The following SMC2 variants were observed in gnomAD, a reference collection of about 807,000 sequenced individuals.
SMC2 encodes structural maintenance of chromosomes 2, also known as structural maintenance of chromosomes protein 2.
Under a neutral mutation model 142.6 loss-of-function variants are expected in SMC2, and 41 were observed. The ratio of observed to expected loss-of-function variants is 0.29; its 90% CI spans 0.22 to 0.37. The LOEUF (loss-of-function observed/expected upper bound fraction) is 0.37, where lower values mean the gene tolerates loss of function less well. SMC2 is among the 10% of genes least tolerant of loss of function. The pLI is 1.00. For missense variants in SMC2, 1,265 were observed against 1,373.7 expected (o/e 0.92, Z 1.25); for synonymous variants, 463 against 457.5 (o/e 1.01, Z -0.15).
rs777069054 is a variant in SMC2 at position 104,113,545 on chromosome 9, T to C, written c.1414+70T>C. On this transcript the variant is annotated intron_variant, in intron 11 of 24. Transcript: ENST00000374793. Reference sequence around the variant, plus strand: ...ATTTTTGATAAAAAGCTAATTTAAATAAAGAACGCAAGCAAGTAGGAAACA... The same window carrying C: ...ATTTTTGATAAAAAGCTAATTTAAACAAAGAACGCAAGCAAGTAGGAAACA... 1.1e-5 allele frequency: 14 copies of C among 1,266,930 alleles called. 1 individual carries two copies. Among genetic ancestry groups the C allele is most frequent in the Middle Eastern group, 2.8e-4 (1 of 3,598 alleles). 78.5% of individuals were successfully genotyped at this position (1,266,930 alleles called of 1,614,324 possible).
chr9:104,099,628 G>A lies in SMC2; in HGVS notation c.442-16G>A. On this transcript the variant is annotated splice_polypyrimidine_tract_variant and intron_variant, in intron 4 of 24. Coordinates refer to ENST00000374793, the MANE Select transcript of SMC2 (RefSeq NM_006444.3). ...TGTAATTTGTTATCTTAGTAAGTTTGCTATTTTATTTTCAGGGCCGAATTA... is the reference window on the plus strand; with the variant it reads ...TGTAATTTGTTATCTTAGTAAGTTTACTATTTTATTTTCAGGGCCGAATTA... The A allele has an allele frequency of 1.3e-6, 2 of 1,520,854 alleles. No homozygotes were observed. Among genetic ancestry groups the A allele is most frequent in the Non-Finnish European group, 1.8e-6 (2 of 1,096,286 alleles). The allele number at this position is 1,520,854 out of a possible 1,614,324, so 94.2% of individuals were successfully genotyped here. A position where few individuals can be genotyped will look rare whatever the true frequency, so the allele number is the denominator to read the frequency against.
At chr9:104,103,482 A>G (rs932955734) in intron 9 of SMC2, among the ~76,000 whole-genome samples, 1 of 152,230 alleles carries the variant, frequency 6.6e-6, no homozygotes, top group Non-Finnish European at 1.5e-5. Flanking sequence ...AAAAGTCGTC[A>G]TTTGTGATTC....
chr9:104,123,352 A>G, intron 17 of SMC2, 120 bp downstream of exon 17: 1 of 959,384 alleles, frequency 1.0e-6, no homozygotes, highest in Non-Finnish European at 1.5e-6. Flanking sequence ...ATTTAGGGAA[A>G]ATCCAAGTAT....
chr9:104,140,946 T>A lies in SMC2; in HGVS notation c.*1631T>A, dbSNP rs1588021936. 1 of 152,200 alleles carries A rather than the reference T, an allele frequency of 6.6e-6. No individual in the cohort carries two copies. Among genetic ancestry groups the A allele is most frequent in the Non-Finnish European group, 1.5e-5 (1 of 68,024 alleles). 9.4% of individuals were successfully genotyped at this position (152,200 alleles called of 1,614,324 possible). ...TTGACTATTTTGGCTTACGTACTCA[T>A]TTCCTTTTCTCTGCTAAAAATGTTT... On this transcript the variant is annotated 3_prime_UTR_variant, in exon 25 of 25. Transcript: ENST00000374793.
intron 17 of SMC2, among the ~76,000 whole-genome samples, chr9:104,123,772 A>C (rs1833982536): frequency 6.6e-6 from 1 of 151,958 alleles, no homozygotes; most frequent in Admixed American, 6.5e-5. Context: ...CTGGTCTTTT[A>C]ATTTTGTGTT....
intron 9 of SMC2, among the ~76,000 whole-genome samples, chr9:104,108,541 A>G (rs1352319010): frequency 1.3e-5 from 2 of 152,110 alleles, no homozygotes; most frequent in Non-Finnish European, 2.9e-5. Flanking sequence ...GATCCATCTG[A>G]CTACCCACTT....
intron 15 of SMC2, 119 bp downstream of exon 15, chr9:104,118,494 G>T (rs1833378779): frequency 1.2e-6 from 1 of 837,356 alleles, no homozygotes; most frequent in Non-Finnish European, 1.8e-6. Flanking sequence ...CTTCTCATTT[G>T]TGTGTTTGCC....
At chr9:104,108,961 C>T (rs1832120272) in intron 9 of SMC2, among the ~76,000 whole-genome samples, 1 of 152,102 alleles carries the variant, frequency 6.6e-6, no homozygotes, top group Admixed American at 6.6e-5. Context: ...AAAGGACATG[C>T]ATATTTCTAG....
intron 5 of SMC2, 131 bp from the exon 6 acceptor site, chr9:104,099,962 C>T (rs41282195): frequency 0.023 from 15,075 of 651,482 alleles, 911 homozygotes; most frequent in African/African-American, 0.18. Flanking sequence ...TATATTTAAC[C>T]TATATGGTTC....
At chr9:104,138,953 G>A (rs76726700) in intron 24 of SMC2, among the ~76,000 whole-genome samples, 186 bp from the exon 25 acceptor site, 8,573 of 152,060 alleles carry the variant, frequency 0.056, 641 homozygotes, top group African/African-American at 0.18. Context: ...ATTGGGTAAT[G>A]AAGTACCCAA....
At chr9:104,135,546 A>G (rs775028180) in intron 23 of SMC2, among the ~76,000 whole-genome samples, 1 of 152,176 alleles carries the variant, frequency 6.6e-6, no homozygotes, top group Non-Finnish European at 1.5e-5. Flanking sequence ...TGTTTTCCAG[A>G]TTTGATGAAT....
rs1416536010 is a variant in SMC2 at position 104,096,186 on chromosome 9, T to C, written c.207T>C (p.Asn69=). The C allele has an allele frequency of 6.2e-7, 1 of 1,613,900 alleles. No individual in the cohort carries two copies. Among genetic ancestry groups the C allele is most frequent in the Admixed American group, 1.7e-5 (1 of 59,976 alleles). Residue 69 remains asparagine, a synonymous_variant, in exon 3 of 25, where the codon AAT becomes AAC. Coordinates refer to ENST00000374793, the MANE Select transcript of SMC2 (RefSeq NM_006444.3). The part of the protein sequence containing the change: ...ASNLQDLVYK[N]GQAGITKASV... Reference sequence around the variant, plus strand: ...ATTTACAAGATTTAGTTTACAAAAATGGGCAGGCTGGTATTACCAAAGCCT... The same window carrying C: ...ATTTACAAGATTTAGTTTACAAAAACGGGCAGGCTGGTATTACCAAAGCCT...
At chr9:104,121,570 G>A (rs1833743356) in intron 16 of SMC2, among the ~76,000 whole-genome samples, 1 of 152,002 alleles carries the variant, frequency 6.6e-6, no homozygotes, top group Non-Finnish European at 1.5e-5. Context: ...AATAGGGACT[G>A]ATTTAAAAAG....
chr9:104,101,190 C>T (rs979042993), intron 7 of SMC2, among the ~76,000 whole-genome samples: 8 of 152,178 alleles, frequency 5.3e-5, no homozygotes, highest in Admixed American at 5.2e-4. Context: ...CTGCCTCGGC[C>T]TCGCAAAGTG....
chr9:104,120,001 G>A (rs1375093025), intron 15 of SMC2, 26 bp from the exon 16 acceptor site: 1 of 1,611,870 alleles, frequency 6.2e-7, no homozygotes, highest in Admixed American at 1.7e-5. Context: ...CAATGTGGAA[G>A]ACCTGTTTCA....
chr9:104,089,844 C>T (rs1435348545), upstream of SMC2, among the ~76,000 whole-genome samples: 1 of 152,088 alleles, frequency 6.6e-6, no homozygotes, highest in Non-Finnish European at 1.5e-5. Context: ...CGGGGTTTCG[C>T]CATGTTGGAA....
chr9:104,112,407 A>G (rs971690354), intron 10 of SMC2, among the ~76,000 whole-genome samples: 1 of 152,240 alleles, frequency 6.6e-6, no homozygotes, highest in Non-Finnish European at 1.5e-5. Flanking sequence ...TCCTATGAAC[A>G]TAAGAATTTT....
rs146584036 is a variant in SMC2 at position 104,101,192 on chromosome 9, C to T, written c.636+759C>T. ...TCAAGTGATCCACCTGCCTCGGCCT[C>T]GCAAAGTGCTGGGATTACAGGAGTG... On this transcript the variant is annotated intron_variant, in intron 7 of 24. Transcript: ENST00000374793. 3.5e-3 allele frequency among the ~76,000 whole-genome samples: 534 copies of T among 152,262 alleles called. 4 individuals are homozygous for T. The highest frequency in any genetic ancestry group is 0.012 in the African/African-American group (485 of 41,560).
chr9:104,125,715 CA>C (rs1438695658), intron 18 of SMC2, among the ~76,000 whole-genome samples: 1 of 152,114 alleles, frequency 6.6e-6, no homozygotes, highest in African/African-American at 2.4e-5. Context: ...GAAGACAAAG[CA>C]TGTTATATTT....
Sources: gnomAD v4.1 joint callset for allele counts (sites outside exome capture counted in the v4.1 genomes callset) on GRCh38, gnomAD v4.1.1 for gene constraint, MANE v1.5 for transcripts, NCBI Gene and HGNC (gene_info 2026-07-23, HGNC 2026-07-21) for gene names.